The following VPS13D variants were observed in gnomAD, a reference collection of about 807,000 sequenced individuals.
The protein encoded by VPS13D is vacuolar protein sorting 13 homolog D, also known as intermembrane lipid transfer protein VPS13D.
A neutral mutation model predicts 461.9 loss-of-function variants in VPS13D; 187 were observed. That is an observed-to-expected ratio of 0.40 (90% confidence interval 0.36 to 0.46). The LOEUF (loss-of-function observed/expected upper bound fraction) is 0.46. Ranked by LOEUF, VPS13D falls within the 20% of genes least tolerant of loss-of-function variation. The pLI is 0.60. For missense variants in VPS13D, 4,711 were observed against 5,364.9 expected (o/e 0.88, Z 3.81); for synonymous variants, 1,951 against 1,986.3 (o/e 0.98, Z 0.47).
chr1:12,280,371 C>G (rs758351027), intron 20 of VPS13D, among the ~76,000 whole-genome samples: 6 of 152,104 alleles, frequency 3.9e-5, no homozygotes, highest in Non-Finnish European at 5.9e-5. Flanking sequence ...TCTGGGACCC[C>G]TGAGAGAACT....
chr1:12,257,834 T>C, intron 9 of VPS13D, 101 bp from the exon 10 acceptor site: 3 of 1,360,540 alleles, frequency 2.2e-6, no homozygotes, highest in African/African-American at 2.9e-5. Context: ...AGAGAAAAGA[T>C]GTCTCAGGAG....
At chr1:12,476,823 TTTAAA>T (rs1645636799) in intron 67 of VPS13D, among the ~76,000 whole-genome samples, 1 of 152,234 alleles carries the variant, frequency 6.6e-6, no homozygotes, top group Non-Finnish European at 1.5e-5. Context: ...CAAAAGGGGC[TTTAAA>T]TTAAGATTCG....
chr1:12,438,385 G>A (rs1645088483), intron 65 of VPS13D, among the ~76,000 whole-genome samples: 1 of 152,162 alleles, frequency 6.6e-6, no homozygotes, highest in Non-Finnish European at 1.5e-5. Flanking sequence ...CACCGAATCT[G>A]CTGTCACCTT....
intron 44 of VPS13D, among the ~76,000 whole-genome samples, chr1:12,348,125 T>G (rs1643716200): frequency 6.6e-6 from 1 of 152,246 alleles, no homozygotes; most frequent in South Asian, 2.1e-4. Context: ...AAAGAAGTTA[T>G]TATTTGTTCC....
chr1:12,234,950 A>T (rs961591339), intron 2 of VPS13D, among the ~76,000 whole-genome samples: 2 of 152,230 alleles, frequency 1.3e-5, no homozygotes, highest in Admixed American at 1.3e-4. Flanking sequence ...AGCTTCAGAC[A>T]TTTTACCCTT....
rs760294849 is a variant in VPS13D at position 12,260,769 on chromosome 1, T to C, written c.1187T>C (p.Phe396Ser). 1.2e-6 allele frequency: 2 copies of C among 1,614,178 alleles called. No individual in the cohort carries two copies. The highest frequency in any genetic ancestry group is 2.2e-5 in the South Asian group (2 of 91,080). ...KILRELVHDRFHKQEELAESL... is the reference protein window; with the variant it reads ...KILRELVHDRSHKQEELAESL... ...TTGCGTGAACTGGTTCATGATCGAT[T>C]TCACAAACAGGAAGAACTAGCAGAG... Residue 396 changes from phenylalanine (F) to serine (S), a missense_variant, in exon 11 of 70, where the codon TTT becomes TCT. Transcript: ENST00000620676.
intron 27 of VPS13D, 69 bp downstream of exon 27, chr1:12,308,710 C>A: frequency 6.8e-7 from 1 of 1,480,342 alleles, no homozygotes; most frequent in Non-Finnish European, 9.3e-7. Context: ...AGTGCAGTGG[C>A]GCAATCTTGG....
At chr1:12,417,093 C>T (rs780943109) in intron 65 of VPS13D, among the ~76,000 whole-genome samples, 1 of 152,116 alleles carries the variant, frequency 6.6e-6, no homozygotes, top group Non-Finnish European at 1.5e-5. Context: ...CTGCAATAGC[C>T]CCCAGCACCC....
At chr1:12,244,654 A>G (rs752904945) in intron 5 of VPS13D, 37 bp downstream of exon 5, 3 of 1,578,374 alleles carry the variant, frequency 1.9e-6, no homozygotes, top group East Asian at 2.2e-5. Context: ...TATCAACGTG[A>G]AAGGGATTTC....
intron 54 of VPS13D, among the ~76,000 whole-genome samples, chr1:12,371,787 T>C (rs1644121485): frequency 6.6e-6 from 1 of 152,186 alleles, no homozygotes; most frequent in African/African-American, 2.4e-5. Context: ...TGATGGACAT[T>C]TGGTTGTTTC....
In VPS13D at chr1:12,299,374, T is replaced by C. The variant is rs1642359119; in HGVS notation, c.6206T>C (p.Leu2069Pro). 9 of 1,610,828 alleles carry C rather than the reference T, an allele frequency of 5.6e-6. No individual in the cohort carries two copies. In the East Asian group the frequency reaches 2.0e-4, roughly 36 times the overall value. The change falls in exon 25 of 70, where the codon CTA becomes CCA. Residue 2069 changes from leucine (L) to proline (P), a missense_variant. This residue lies in a region of VPS13D where 4,411 missense variants were observed against 4,937.8 expected (regional missense o/e 0.89). Transcript: ENST00000620676. This position sits in a 1 kb window ranked among gnomAD's most constrained non-coding sequence, Gnocchi z 4.2. ...GCTGGTTTTCCTGGCACCTTTTCCC[T>C]ACAAGATAAGGTGAGCAATCAGTAT... ...LFAGFPGTFS[L>P]QDKESVPSAS...
At position 12,244,524 on chromosome 1, in the gene VPS13D, CTT is replaced by C; in HGVS notation, c.367-12_367-11del. On this transcript the variant is annotated splice_polypyrimidine_tract_variant and intron_variant, in intron 4 of 69. Coordinates refer to ENST00000620676, the MANE Select transcript of VPS13D (RefSeq NM_015378.4). Reference sequence around the variant, plus strand: ...ACACTAGATTGAGCTAATGCTGACTCTTGTCTTTGTAGAATGACCGCCAGCAG... The same window carrying C: ...ACACTAGATTGAGCTAATGCTGACTCGTCTTTGTAGAATGACCGCCAGCAG... The C allele has an allele frequency of 6.2e-7, 1 of 1,614,124 alleles. No individual in the cohort carries two copies.
Position 12,356,359 on chromosome 1 carries a change from T to C in VPS13D, c.9872-39T>C, listed in dbSNP as rs961251658. ...CCATTTGCATCTCTTTCAGATAGAC[T>C]GGGTGGTATTGATGTAAACTTTTCT... On this transcript the variant is annotated intron_variant, in intron 48 of 69. Transcript: ENST00000620676. 6.3e-6 allele frequency: 10 copies of C among 1,590,348 alleles called. No homozygotes were observed. In the East Asian group the frequency reaches 1.8e-4, roughly 29 times the overall value.
chr1:12,395,015 G>A (rs920691771), intron 60 of VPS13D, among the ~76,000 whole-genome samples: 1 of 152,138 alleles, frequency 6.6e-6, no homozygotes, highest in Non-Finnish European at 1.5e-5. Flanking sequence ...CTTTTCGAGT[G>A]TAGTACACCT....
At chr1:12,498,935 C>T (rs563916250) in intron 68 of VPS13D, among the ~76,000 whole-genome samples, 4 of 152,222 alleles carry the variant, frequency 2.6e-5, no homozygotes, top group African/African-American at 9.6e-5. Context: ...TTAGGGCTTC[C>T]ACATATGAAT....
chr1:12,425,576 AAT>A (rs201856484), intron 65 of VPS13D, among the ~76,000 whole-genome samples: 173 of 151,392 alleles, frequency 1.1e-3, no homozygotes, highest in African/African-American at 3.7e-3. Flanking sequence ...AAAAAAAAAA[AAT>A]ATCAGCGATG....
intron 65 of VPS13D, among the ~76,000 whole-genome samples, chr1:12,422,026 A>C (rs1644871302): frequency 6.6e-6 from 1 of 152,100 alleles, no homozygotes; most frequent in Non-Finnish European, 1.5e-5. Context: ...ATGGGGTTTC[A>C]CCATGTTGGC....
At chr1:12,498,130 A>G (rs1645985280) in intron 68 of VPS13D, among the ~76,000 whole-genome samples, 1 of 152,152 alleles carries the variant, frequency 6.6e-6, no homozygotes, top group Admixed American at 6.6e-5. Flanking sequence ...TCAGTTAGTG[A>G]TATTATTCCT....
chr1:12,330,793 C>T (rs554257534), intron 37 of VPS13D, among the ~76,000 whole-genome samples: 139 of 152,010 alleles, frequency 9.1e-4, no homozygotes, highest in Non-Finnish European at 1.7e-3. Context: ...GTCTCGAACT[C>T]CTGACCTCAG....
Sources: gnomAD v4.1 joint callset for allele counts (sites outside exome capture counted in the v4.1 genomes callset) on GRCh38, gnomAD v4.1.1 for gene constraint, gnomAD v4.1.1 regional missense constraint, Gnocchi (gnomAD v3.1) non-coding constraint, MANE v1.5 for transcripts, NCBI Gene and HGNC (gene_info 2026-07-23, HGNC 2026-07-21) for gene names.